CTNNA3: variants seen among roughly 807,000 people sequenced by gnomAD.
CTNNA3 encodes the protein catenin alpha-3.
In CTNNA3, 76 loss-of-function variants were observed where a neutral mutation model predicts 95.7. That is an observed-to-expected ratio of 0.79 (90% CI 0.66 to 0.96). The LOEUF is 0.96. Among genes scored for constraint, CTNNA3 ranks in the 40% least tolerant of loss-of-function variants. CTNNA3 has a pLI of 0.00. For missense variants in CTNNA3, 1,191 were observed against 1,089.8 expected, an observed-to-expected ratio of 1.09 and a Z score of -1.31; for synonymous variants, 431 against 374.4, an observed-to-expected ratio of 1.15 and a Z score of -1.74.
At chr10:66,791,795 C>A (rs953666381) in intron 7 of CTNNA3, among the ~76,000 whole-genome samples, 2 of 152,104 alleles carry the variant, frequency 1.3e-5, no homozygotes, top group Admixed American at 6.6e-5. Context: ...GGCCTCCTTA[C>A]AATCAAGGTT....
chr10:66,332,258 C>T (rs573232308), intron 12 of CTNNA3, among the ~76,000 whole-genome samples: 14 of 151,932 alleles, frequency 9.2e-5, no homozygotes, highest in African/African-American at 3.4e-4. Flanking sequence ...GCCTGATTGC[C>T]CTGGCCAGAG....
chr10:66,294,040 A>T (rs912260292), intron 12 of CTNNA3, among the ~76,000 whole-genome samples: 2 of 152,104 alleles, frequency 1.3e-5, no homozygotes, highest in Non-Finnish European at 2.9e-5. Context: ...CTTCTAGGAG[A>T]TTAGACTGGC....
chr10:67,274,617 C>CA (rs1217274667), intron 5 of CTNNA3, among the ~76,000 whole-genome samples: 1 of 151,998 alleles, frequency 6.6e-6, no homozygotes, highest in Non-Finnish European at 1.5e-5. Flanking sequence ...TGCTTGAGCC[C>CA]AGGAATTCAA....
chr10:66,982,981 C>A (rs1850530356), intron 7 of CTNNA3, among the ~76,000 whole-genome samples: 4 of 152,134 alleles, frequency 2.6e-5, no homozygotes, highest in Non-Finnish European at 1.5e-5. Flanking sequence ...GCGCCCTCGG[C>A]TCAGGCAGCA....
intron 11 of CTNNA3, among the ~76,000 whole-genome samples, chr10:66,427,838 C>A (rs1300274434): frequency 6.6e-6 from 1 of 152,122 alleles, no homozygotes; most frequent in Admixed American, 6.6e-5. Context: ...GAAGAAACTG[C>A]ATCAACTAAT....
chr10:67,570,278 CTTTTTT>C (rs1180954219), intron 3 of CTNNA3, among the ~76,000 whole-genome samples: 6 of 151,906 alleles, frequency 3.9e-5, no homozygotes, highest in African/African-American at 1.5e-4. Context: ...CCTCTTGTCT[CTTTTTT>C]TAGTGTTAGT....
intron 2 of CTNNA3, among the ~76,000 whole-genome samples, chr10:67,641,031 C>G (rs533499619): frequency 6.6e-6 from 1 of 151,958 alleles, no homozygotes; most frequent in African/African-American, 2.4e-5. Flanking sequence ...AAAGAGCTTC[C>G]GCACAGCAAA....
chr10:66,792,170 AT>A (rs550311247), intron 7 of CTNNA3, among the ~76,000 whole-genome samples: 47 of 151,896 alleles, frequency 3.1e-4, no homozygotes, highest in Non-Finnish European at 3.2e-4. Flanking sequence ...TAAAAGAATC[AT>A]TTTTTTTCTG....
In CTNNA3 at chr10:67,580,575, T is replaced by A. The variant is rs1842352069; in HGVS notation, c.292+26282A>T. On this transcript the variant is annotated intron_variant, in intron 3 of 17. Transcript: ENST00000433211. ...TGGTTCCATATGAACTTTAAAGTAG[T>A]TTTTTCCAATTCTGTGAAGAAAGTC... 4.0e-5 allele frequency among the ~76,000 whole-genome samples: 6 copies of A among 151,568 alleles called. No homozygotes were observed. In the South Asian group the frequency reaches 1.3e-3, roughly 32 times the overall value.
At chr10:67,582,029 T>C (rs934333128) in intron 3 of CTNNA3, among the ~76,000 whole-genome samples, 2 of 151,626 alleles carry the variant, frequency 1.3e-5, no homozygotes, top group Non-Finnish European at 2.9e-5. Context: ...TCATTGATTG[T>C]TTTGCAGGGT....
chr10:67,455,431 C>T (rs1847136641), intron 5 of CTNNA3, among the ~76,000 whole-genome samples: 1 of 152,110 alleles, frequency 6.6e-6, no homozygotes, highest in Non-Finnish European at 1.5e-5. Context: ...GCTTAAATCT[C>T]CCCACCTTGA....
chr10:67,106,306 C>A (rs1232935309), intron 7 of CTNNA3, among the ~76,000 whole-genome samples: 1 of 152,164 alleles, frequency 6.6e-6, no homozygotes, highest in East Asian at 1.9e-4. Flanking sequence ...TAACTGCATG[C>A]TTTTCTGCCA....
intron 15 of CTNNA3, among the ~76,000 whole-genome samples, chr10:66,036,862 ATTTTTTTTTTTTTTT>A (rs57081880): frequency 3.1e-5 from 3 of 95,704 alleles, no homozygotes; most frequent in African/African-American, 4.1e-5. Context: ...AGTAGTTCCA[ATTTTTTTTTTTTTTT>A]TTTTTTTTTT....
In CTNNA3 at chr10:65,920,158, T is replaced by C; in HGVS notation, c.*172A>G. 1 of 608,990 alleles carries C rather than the reference T, an allele frequency of 1.6e-6. No individual in the cohort carries two copies. The highest frequency in any genetic ancestry group is 2.9e-6 in the Non-Finnish European group (1 of 345,562). 37.7% of individuals were successfully genotyped at this position (608,990 alleles called of 1,614,324 possible). On this transcript the variant is annotated 3_prime_UTR_variant, in exon 18 of 18. Coordinates refer to ENST00000433211, the MANE Select transcript of CTNNA3 (RefSeq NM_013266.4). ...GGTGCTGACCATACAGAAATGACAG[T>C]GATATGATCCCAAATATATATTGCT...
chr10:66,622,103 T>C (rs922030801), intron 9 of CTNNA3, among the ~76,000 whole-genome samples: 3 of 152,196 alleles, frequency 2.0e-5, no homozygotes, highest in Admixed American at 6.6e-5. Context: ...AGTTTATCTG[T>C]GGATTGAATG....
intron 5 of CTNNA3, among the ~76,000 whole-genome samples, chr10:67,421,928 T>C (rs1424981983): frequency 2.0e-5 from 3 of 152,182 alleles, no homozygotes; most frequent in African/African-American, 4.8e-5. Flanking sequence ...TATGTGTGTA[T>C]AATATCACTA....
At chr10:67,420,237 C>A (rs1196728770) in intron 5 of CTNNA3, among the ~76,000 whole-genome samples, 1 of 152,100 alleles carries the variant, frequency 6.6e-6, no homozygotes, top group Non-Finnish European at 1.5e-5. Flanking sequence ...AAAACAAAAT[C>A]AAGAACTAAC....
At chr10:66,793,000 G>A (rs1841038784) in intron 7 of CTNNA3, among the ~76,000 whole-genome samples, 2 of 152,090 alleles carry the variant, frequency 1.3e-5, no homozygotes, top group Admixed American at 1.3e-4. Context: ...TATAAATGTT[G>A]AAACTAAGTC....
intron 3 of CTNNA3, among the ~76,000 whole-genome samples, chr10:67,566,964 T>A (rs2133279113): frequency 7.4e-6 from 1 of 136,052 alleles, no homozygotes; most frequent in African/African-American, 2.8e-5. Context: ...AGGTGGGAAC[T>A]GAACAATGAG....
Sources: allele counts gnomAD v4.1 joint callset (sites outside exome capture counted in the v4.1 genomes callset), GRCh38; gene constraint gnomAD v4.1.1; transcripts MANE v1.5; gene names NCBI Gene and HGNC (gene_info 2026-07-23, HGNC 2026-07-21).